The following FSHR variants were observed in gnomAD, a reference collection of about 807,000 sequenced individuals.
The protein encoded by FSHR is follicle-stimulating hormone receptor.
FSHR carries 46 observed loss-of-function variants against 52.1 expected under a neutral mutation model. That is an observed-to-expected ratio of 0.88 (90% CI 0.70 to 1.13). The LOEUF (loss-of-function observed/expected upper bound fraction) is 1.13. FSHR is among the 50% of genes most tolerant of loss of function. FSHR has a pLI of 0.00. For missense variants in FSHR, 964 were observed against 834.6 expected, an observed-to-expected ratio of 1.16 and a Z score of -1.91; for synonymous variants, 399 against 309.6, an observed-to-expected ratio of 1.29 and a Z score of -3.03.
At chr2:49,121,502 A>G (rs1362572969) in intron 1 of FSHR, among the ~76,000 whole-genome samples, 1 of 152,056 alleles carries the variant, frequency 6.6e-6, no homozygotes, top group Non-Finnish European at 1.5e-5. Flanking sequence ...TAGAGTTGAA[A>G]GCAGTGTGGG....
intron 2 of FSHR, among the ~76,000 whole-genome samples, chr2:49,064,392 G>T (rs531865768): frequency 6.6e-6 from 1 of 152,046 alleles, no homozygotes; most frequent in Non-Finnish European, 1.5e-5. Flanking sequence ...ATTAAAAAGG[G>T]CTTTTGGGAG....
At chr2:49,029,410 G>C (rs1451521173) in intron 2 of FSHR, among the ~76,000 whole-genome samples, 1 of 152,198 alleles carries the variant, frequency 6.6e-6, no homozygotes, top group East Asian at 1.9e-4. Context: ...GCCTGAGAGG[G>C]TGTTAAGGTT....
chr2:49,065,057 A>G (rs2104334667), intron 2 of FSHR, among the ~76,000 whole-genome samples: 1 of 152,270 alleles, frequency 6.6e-6, no homozygotes, highest in East Asian at 1.9e-4. Context: ...CATTGTCCAA[A>G]GAACAAGCTG....
At chr2:48,985,006 C>T (rs777807773) in intron 6 of FSHR, among the ~76,000 whole-genome samples, 11 of 152,120 alleles carry the variant, frequency 7.2e-5, no homozygotes, top group African/African-American at 1.2e-4. Context: ...CTTGGATTTA[C>T]GTTATCTGTG....
intron 8 of FSHR, among the ~76,000 whole-genome samples, chr2:48,978,927 T>C (rs1279745160): frequency 6.6e-6 from 1 of 152,134 alleles, no homozygotes; most frequent in Non-Finnish European, 1.5e-5. Context: ...TCCTTGCATA[T>C]ATCCACTGGA....
At chr2:49,094,746 C>G (rs556296743) in intron 1 of FSHR, among the ~76,000 whole-genome samples, 1 of 151,896 alleles carries the variant, frequency 6.6e-6, no homozygotes, top group African/African-American at 2.4e-5. Context: ...GTAACTTAAA[C>G]TTTAAGAAAT....
At chr2:49,061,048 G>A (rs781559282) in intron 2 of FSHR, among the ~76,000 whole-genome samples, 5 of 152,050 alleles carry the variant, frequency 3.3e-5, no homozygotes, top group Non-Finnish European at 7.3e-5. Context: ...CCCTTCTTCT[G>A]AGGGATCAAG....
At chr2:49,102,904 T>G (rs1037503818) in intron 1 of FSHR, among the ~76,000 whole-genome samples, 2 of 152,152 alleles carry the variant, frequency 1.3e-5, no homozygotes, top group Non-Finnish European at 2.9e-5. Context: ...AAAGGCATCC[T>G]TGAAATCGGA....
At chr2:49,031,323 G>C (rs1429833775) in intron 2 of FSHR, among the ~76,000 whole-genome samples, 1 of 152,124 alleles carries the variant, frequency 6.6e-6, no homozygotes, top group Admixed American at 6.5e-5. Flanking sequence ...AATAATTTCA[G>C]GTAATGGGGA....
intron 2 of FSHR, among the ~76,000 whole-genome samples, chr2:49,052,894 C>A (rs561900144): frequency 6.6e-6 from 1 of 152,182 alleles, no homozygotes; most frequent in African/African-American, 2.4e-5. Context: ...TTCTGGTTAC[C>A]TGATTTACTT....
At chr2:49,077,406 A>C (rs947919682) in intron 1 of FSHR, among the ~76,000 whole-genome samples, 2 of 152,190 alleles carry the variant, frequency 1.3e-5, no homozygotes, top group African/African-American at 2.4e-5. Flanking sequence ...GGCTGCACAC[A>C]GTATGGGGAC....
rs6725466 is a variant in FSHR, at chr2:49,069,586, G to C, written c.153-1296C>G. On this transcript the variant is annotated intron_variant, in intron 1 of 9. Coordinates refer to ENST00000406846, the MANE Select transcript of FSHR (RefSeq NM_000145.4). ...GAGGGCAAAAATGTTTGCCTGATTTGTTATGATTGTATACCAAATGCCTAG... is the reference window on the plus strand; with the variant it reads ...GAGGGCAAAAATGTTTGCCTGATTTCTTATGATTGTATACCAAATGCCTAG... Among the ~76,000 whole-genome samples, 537 of 152,146 alleles carry C rather than the reference G, an allele frequency of 3.5e-3. 3 individuals are homozygous for C. Among genetic ancestry groups the C allele is most frequent in the African/African-American group, 0.012 (490 of 41,532 alleles).
At chr2:49,023,136 C>G (rs974070118) in intron 2 of FSHR, among the ~76,000 whole-genome samples, 8 of 152,194 alleles carry the variant, frequency 5.3e-5, no homozygotes, top group African/African-American at 1.9e-4. Flanking sequence ...TTAGAAAAAT[C>G]TGCATTCCCT....
Position 48,968,721 on chromosome 2 carries a change from G to C in FSHR, c.831C>G (p.Ala277=), listed in dbSNP as rs748861028. 1.9e-6 allele frequency: 3 copies of C among 1,614,136 alleles called. No individual in the cohort carries two copies. The highest frequency in any genetic ancestry group is 2.5e-6 in the Non-Finnish European group (3 of 1,180,006). The change falls in exon 9 of 10, where the codon GCC becomes GCG. Residue 277 remains alanine, a synonymous_variant. Transcript: ENST00000406846. ...ASLTYPSHCC[A]FANWRRQISE... is the part of the protein sequence containing the mutation. ...ACATTTGCCGTCTCCAGTTTGCAAA[G>C]GCACAGCAATGGCTGGGATAGGTGA... is the stretch of plus-strand genomic sequence containing the variant.
chr2:48,983,312 G>A (rs1252009942), intron 6 of FSHR, 146 bp from the exon 7 acceptor site: 20 of 715,904 alleles, frequency 2.8e-5, no homozygotes, highest in Non-Finnish European at 5.0e-5. Context: ...GACACGGGTG[G>A]GAGGAAGACT....
intron 4 of FSHR, among the ~76,000 whole-genome samples, chr2:48,991,727 A>G (rs1675790719): frequency 6.6e-6 from 1 of 152,162 alleles, no homozygotes; most frequent in South Asian, 2.1e-4. Flanking sequence ...GGCACATACG[A>G]ATTATTGGAC....
chr2:49,073,096 A>G (rs1371307175), intron 1 of FSHR, among the ~76,000 whole-genome samples: 1 of 152,116 alleles, frequency 6.6e-6, no homozygotes, highest in Non-Finnish European at 1.5e-5. Flanking sequence ...AATATTTTGC[A>G]TCACAATTAA....
chr2:49,018,623 T>C (rs1667582694), intron 3 of FSHR, among the ~76,000 whole-genome samples: 1 of 152,174 alleles, frequency 6.6e-6, no homozygotes, highest in Non-Finnish European at 1.5e-5. Flanking sequence ...TCTCTGATAA[T>C]GTCTGTGGGT....
chr2:49,057,798 T>C (rs1008565799), intron 2 of FSHR, among the ~76,000 whole-genome samples: 7 of 151,992 alleles, frequency 4.6e-5, no homozygotes, highest in African/African-American at 1.7e-4. Flanking sequence ...CCAAAACCAA[T>C]AAGACATCAA....
Sources: allele counts gnomAD v4.1 joint callset (sites outside exome capture counted in the v4.1 genomes callset), GRCh38; gene constraint gnomAD v4.1.1; transcripts MANE v1.5; gene names NCBI Gene and HGNC (gene_info 2026-07-23, HGNC 2026-07-21).